The following CKAP5 variants were observed in gnomAD, a reference collection of about 807,000 sequenced individuals.
CKAP5 encodes cytoskeleton associated protein 5.
Under a neutral mutation model 232.8 loss-of-function variants are expected in CKAP5, and 27 were observed. That is an observed-to-expected ratio of 0.12 (90% CI 0.09 to 0.16). The LOEUF is 0.16. Among genes scored for constraint, CKAP5 ranks in the 10% least tolerant of loss-of-function variants. The pLI is 1.00. For synonymous variants in CKAP5, 785 were observed against 841.1 expected (o/e 0.93, Z 1.16); for missense variants, 1,838 against 2,424.7 (o/e 0.76, Z 5.08).
chr11:46,750,026 G>A (rs1244873235), intron 42 of CKAP5, among the ~76,000 whole-genome samples: 2 of 152,134 alleles, frequency 1.3e-5, no homozygotes, highest in Non-Finnish European at 2.9e-5. Context: ...AGACAGCATG[G>A]AGAACTGGAA....
chr11:46,808,625 T>C (rs1939208843), intron 7 of CKAP5, among the ~76,000 whole-genome samples: 1 of 152,206 alleles, frequency 6.6e-6, no homozygotes, highest in African/African-American at 2.4e-5. Flanking sequence ...TGTTCATATA[T>C]AAAAAGTATT....
intron 23 of CKAP5, among the ~76,000 whole-genome samples, chr11:46,776,949 T>TA (rs2065296483): frequency 6.6e-6 from 1 of 152,166 alleles, no homozygotes; most frequent in Non-Finnish European, 1.5e-5. Context: ...CAGTGACTTC[T>TA]AGAACTATGA....
intron 18 of CKAP5, among the ~76,000 whole-genome samples, chr11:46,781,241 G>C (rs545647050): frequency 2.6e-4 from 40 of 152,260 alleles, no homozygotes; most frequent in Non-Finnish European, 1.2e-4. Flanking sequence ...TCCCTGACTT[G>C]TCTCTCTCTT....
At position 46,763,603 on chromosome 11, in the gene CKAP5, G is replaced by A. The variant is rs759698052; in HGVS notation, c.3565C>T (p.Arg1189Trp). ...TTTAGTTGCTCAATGTATTCATCCC[G>A]TGGGGTAGTAAAATTCCACTTTAGC... The part of the protein sequence containing the change: ...KVLKWNFTTP[R>W]DEYIEQLKTQ... Residue 1189 changes from arginine (R) to tryptophan (W), a missense_variant, in exon 29 of 44, where the codon CGG (arginine) becomes TGG (tryptophan). Coordinates refer to ENST00000529230, the MANE Select transcript of CKAP5 (RefSeq NM_001008938.4). 3.8e-6 allele frequency: 6 copies of A among 1,570,294 alleles called. No individual in the cohort carries two copies. Among genetic ancestry groups the A allele is most frequent in the Admixed American group, 4.0e-5 (2 of 50,312 alleles).
intron 27 of CKAP5, among the ~76,000 whole-genome samples, chr11:46,765,457 T>C (rs1448238045): frequency 1.3e-5 from 2 of 152,216 alleles, no homozygotes; most frequent in Non-Finnish European, 2.9e-5. Context: ...TATTCTTAAG[T>C]AACTGTTGGT....
intron 1 of CKAP5, among the ~76,000 whole-genome samples, chr11:46,833,432 G>A (rs1209626949): frequency 6.6e-6 from 1 of 151,954 alleles, no homozygotes; most frequent in Non-Finnish European, 1.5e-5. Flanking sequence ...CAAACACCAA[G>A]CACTCAGTAA....
At chr11:46,797,762 C>A (rs1025680019) in intron 11 of CKAP5, 43 bp downstream of exon 11, 12 of 1,558,096 alleles carry the variant, frequency 7.7e-6, no homozygotes, top group Non-Finnish European at 1.0e-5. Flanking sequence ...AAGAATCTTG[C>A]CTAGGTATAA....
Position 46,837,186 on chromosome 11 carries a change from G to A in CKAP5, c.-38+9034C>T, listed in dbSNP as rs1228168533. ...TGTATATCCATATATAATGGAACTG[G>A]ACAATTAAATAAATGGATGGTGGAA... is the stretch of plus-strand genomic sequence containing the variant. On this transcript the variant is annotated intron_variant, in intron 1 of 43. Coordinates refer to ENST00000529230, the MANE Select transcript of CKAP5 (RefSeq NM_001008938.4). Among the ~76,000 whole-genome samples the A allele has an allele frequency of 2.6e-5, 4 of 152,122 alleles. No individual in the cohort carries two copies. In the East Asian group the frequency reaches 7.7e-4, roughly 29 times the overall value.
In CKAP5 at chr11:46,773,974, C is replaced by T. The variant is rs1052421049; in HGVS notation, c.2991+2281G>A. 4.6e-5 allele frequency among the ~76,000 whole-genome samples: 7 copies of T among 152,230 alleles called. 1 individual carries two copies. The highest frequency in any genetic ancestry group is 6.5e-5 in the Admixed American group (1 of 15,274). On this transcript the variant is annotated intron_variant, in intron 24 of 43. Coordinates refer to ENST00000529230, the MANE Select transcript of CKAP5 (RefSeq NM_001008938.4). ...TGAAAACCGGCATAAGACAAGGATG[C>T]CCTCTCTTACCACTCCTTTTCAATA...
In CKAP5 at chr11:46,797,951, T is replaced by C; in HGVS notation, c.1192A>G (p.Ser398Gly). The C allele has an allele frequency of 6.2e-7, 1 of 1,613,926 alleles. No individual in the cohort carries two copies. The highest frequency in any genetic ancestry group is 1.1e-5 in the South Asian group (1 of 91,002). The stretch of plus-strand genomic sequence containing the variant: ...TCCATTACTGCTAAAACATCCTCAC[T>C]GATGTTCTGTAGTGTGGTCTTTAGA... ...IFLTTTLQNI[S>G]EDVLAVMDNK... Residue 398 changes from serine to glycine, a missense_variant, in exon 11 of 44, where the codon AGT becomes GGT. Ser to Gly is a moderately conservative substitution (Grantham distance 56). Coordinates refer to ENST00000529230, the MANE Select transcript of CKAP5 (RefSeq NM_001008938.4).
chr11:46,777,874 C>T (rs60166001), intron 22 of CKAP5, among the ~76,000 whole-genome samples: 292 of 152,282 alleles, frequency 1.9e-3, no homozygotes, highest in African/African-American at 6.8e-3. Context: ...ATTATGTTTA[C>T]ATGTATTACA....
intron 7 of CKAP5, 92 bp from the exon 8 acceptor site, chr11:46,808,236 A>AT (rs1592472124): frequency 1.1e-5 from 10 of 886,518 alleles, no homozygotes; most frequent in Non-Finnish European, 1.8e-5. Context: ...AAGATACATA[A>AT]TTTTTTTAAA....
At chr11:46,755,101 G>A (rs1398225237) in intron 35 of CKAP5, 34 bp from the exon 36 acceptor site, 6 of 1,532,934 alleles carry the variant, frequency 3.9e-6, no homozygotes, top group Non-Finnish European at 5.3e-6. Context: ...TATTTTCCAA[G>A]CTTCATACTT....
intron 24 of CKAP5, among the ~76,000 whole-genome samples, chr11:46,772,944 G>A (rs2065260344): frequency 6.6e-6 from 1 of 152,084 alleles, no homozygotes; most frequent in African/African-American, 2.4e-5. Flanking sequence ...GTTTCACCAT[G>A]TTTGCCAGGA....
chr11:46,832,643 T>C (rs1283540312), intron 1 of CKAP5, among the ~76,000 whole-genome samples: 1 of 152,246 alleles, frequency 6.6e-6, no homozygotes, highest in East Asian at 1.9e-4. Context: ...GCACTTCACA[T>C]GTATTTACTC....
intron 41 of CKAP5, 31 bp downstream of exon 41, chr11:46,750,497 C>A: frequency 6.2e-7 from 1 of 1,605,670 alleles, no homozygotes; most frequent in Non-Finnish European, 8.5e-7. Flanking sequence ...ATAAAGCAGA[C>A]CCCTATTCTG....
At position 46,796,869 on chromosome 11, in the gene CKAP5, A is replaced by C. The variant is rs1592464181; in HGVS notation, c.1410T>G (p.Val470=). ...FEALGTALKV[V]GEKAVNPFLA... ...GGAATGGGTTTACTGCTTTCTCGCC[A>C]ACCACCTTCAAAGCAGTACCCAATG... Residue 470 remains valine, a synonymous_variant, in exon 12 of 44, where the codon GTT becomes GTG. Transcript: ENST00000529230. 6.2e-6 allele frequency: 10 copies of C among 1,614,088 alleles called. No individual in the cohort carries two copies. The highest frequency in any genetic ancestry group is 1.6e-4 in the Middle Eastern group (1 of 6,062).
In CKAP5 at chr11:46,794,884, AAAG is replaced by A. The variant is rs776886712; in HGVS notation, c.1650+707_1650+709del. ...AAAGTAGTCAAATTCATAGAAACAG[AAAG>A]AAGGGGCTGGAAGAAGCTGAGAATG... On this transcript the variant is annotated intron_variant, in intron 13 of 43. Coordinates refer to ENST00000529230, the MANE Select transcript of CKAP5 (RefSeq NM_001008938.4). 3.3e-5 allele frequency among the ~76,000 whole-genome samples: 5 copies of A among 152,142 alleles called. No individual in the cohort carries two copies. In the East Asian group the frequency reaches 9.6e-4, roughly 29 times the overall value.
chr11:46,752,193 T>TAC (rs1156472710), intron 38 of CKAP5, among the ~76,000 whole-genome samples: 33 of 66,524 alleles, frequency 5.0e-4, no homozygotes, highest in African/African-American at 1.5e-3. Flanking sequence ...TATATATATA[T>TAC]ACACACACAC....
Sources: allele counts gnomAD v4.1 joint callset (sites outside exome capture counted in the v4.1 genomes callset), GRCh38; gene constraint gnomAD v4.1.1; transcripts MANE v1.5; gene names NCBI Gene and HGNC (gene_info 2026-07-23, HGNC 2026-07-21).